The following ZC3H4 variants were observed in gnomAD, a reference collection of about 807,000 sequenced individuals.
The protein encoded by ZC3H4 is zinc finger CCCH domain-containing protein 4.
In ZC3H4, 13 loss-of-function variants were observed where a neutral mutation model predicts 108.3. That is an observed-to-expected ratio of 0.12 (90% CI 0.08 to 0.19). ZC3H4 has a LOEUF of 0.19. Among genes scored for constraint, ZC3H4 ranks in the 10% least tolerant of loss-of-function variants. The pLI, the probability that ZC3H4 is intolerant of heterozygous loss-of-function variation, is 1.00. For missense variants in ZC3H4, 1,734 were observed against 1,838.8 expected (o/e 0.94, Z 1.04); for synonymous variants, 917 against 749.6 (o/e 1.22, Z -3.65).
rs1374974908 is a variant in ZC3H4, at chr19:47,065,094, GGCTGT to G, written c.*1257_*1261del. 6.6e-6 allele frequency: 1 copy of G among 152,454 alleles called. No homozygotes were observed. Among genetic ancestry groups the G allele is most frequent in the African/African-American group, 2.4e-5 (1 of 41,440 alleles). The allele number at this position is 152,454 out of a possible 1,614,324, so 9.4% of individuals were successfully genotyped here. A position where few individuals can be genotyped will look rare whatever the true frequency, so the allele number is the denominator to read the frequency against. On this transcript the variant is annotated 3_prime_UTR_variant, in exon 15 of 15. Transcript: ENST00000253048. ...CAGCACCCCTTGCGCCCATCTCTCGGGCTGTGTCCATAGGTGGGCCTCCTCCAGGG... is the reference window on the plus strand; with the variant it reads ...CAGCACCCCTTGCGCCCATCTCTCGGGTCCATAGGTGGGCCTCCTCCAGGG...
chr19:47,068,761 A>G (rs1037736600), intron 14 of ZC3H4, among the ~76,000 whole-genome samples: 2 of 152,316 alleles, frequency 1.3e-5, no homozygotes, highest in African/African-American at 4.8e-5. Flanking sequence ...CACGGTAGGA[A>G]AACAGGGGCT....
In ZC3H4 at chr19:47,093,954, C is replaced by A; in HGVS notation, c.492+16G>T. 4 of 1,605,934 alleles carry A rather than the reference C, an allele frequency of 2.5e-6. No homozygotes were observed. The highest frequency in any genetic ancestry group is 3.4e-6 in the Non-Finnish European group (4 of 1,172,848). ...CTCCCGGCCCCAGAGCTCAGCAGTG[C>A]ATGCCAGTCACTCACCGGCGCATAT... On this transcript the variant is annotated intron_variant, in intron 4 of 14. Transcript: ENST00000253048.
At position 47,088,605 on chromosome 19, in the gene ZC3H4, C is replaced by A. The variant is rs1448135063; in HGVS notation, c.715+1362G>T. On this transcript the variant is annotated intron_variant, in intron 5 of 14. Coordinates refer to ENST00000253048, the MANE Select transcript of ZC3H4 (RefSeq NM_015168.2). ...GGCACAGGGTAGAGGCTGCAGTGAG[C>A]CTAAATCGTGCCACTGCACTCCAGG... Among the ~76,000 whole-genome samples, 3 of 151,470 alleles carry A rather than the reference C, an allele frequency of 2.0e-5. No individual in the cohort carries two copies. The East Asian group carries it at 5.9e-4, about 30-fold the overall frequency.
chr19:47,072,090 T>C lies in ZC3H4; in HGVS notation c.1834A>G (p.Met612Val), dbSNP rs765562520. The C allele has an allele frequency of 1.3e-6, 2 of 1,560,112 alleles. No homozygotes were observed. The highest frequency in any genetic ancestry group is 2.1e-5 in the Admixed American group (1 of 48,468). Residue 612 changes from methionine (M) to valine (V), a missense_variant, in exon 13 of 15, where the codon ATG (methionine) becomes GTG (valine). Physicochemically the swap from Met to Val is conservative, Grantham distance 21. This residue lies in a region of ZC3H4 where 540 missense variants were observed against 484.1 expected (regional missense o/e 1.12). Coordinates refer to ENST00000253048, the MANE Select transcript of ZC3H4 (RefSeq NM_015168.2). The surrounding 1 kb of genome is among the most constrained non-coding windows in gnomAD (Gnocchi z 5.6). ...GGTCCCATGTTGGGCCCAGGGCCCATTGGCCCTGGGGGTCCACCGGGTCCA... is the reference window on the plus strand; with the variant it reads ...GGTCCCATGTTGGGCCCAGGGCCCACTGGCCCTGGGGGTCCACCGGGTCCA... ...FPGPGGPPGP[M>V]GPGPNMGPPG...
chr19:47,098,411 T>C (rs2057856645), intron 2 of ZC3H4, among the ~76,000 whole-genome samples: 1 of 141,862 alleles, frequency 7.0e-6, no homozygotes, highest in African/African-American at 2.6e-5. Context: ...AACTTGAACC[T>C]GGGAGGCAGA....
intron 2 of ZC3H4, among the ~76,000 whole-genome samples, chr19:47,101,891 G>A (rs933535453): frequency 7.9e-5 from 12 of 151,748 alleles, no homozygotes; most frequent in East Asian, 3.9e-4. Context: ...AAAATTAGCC[G>A]GGCATGGTGG....
intron 4 of ZC3H4, chr19:47,093,668 T>TG (rs1475073471): frequency 4.0e-6 from 1 of 251,160 alleles, no homozygotes; most frequent in African/African-American, 2.2e-5. Context: ...CATAGCTCAC[T>TG]GCAACCTTAA....
intron 8 of ZC3H4, 110 bp downstream of exon 8, chr19:47,084,946 G>C (rs1218786797): frequency 8.2e-6 from 12 of 1,456,716 alleles, no homozygotes; most frequent in Middle Eastern, 1.8e-4. Flanking sequence ...AGCCCTTTGG[G>C]GGGTGGCTGA....
intron 2 of ZC3H4, chr19:47,112,082 C>T: frequency 2.0e-6 from 2 of 1,010,242 alleles, no homozygotes; most frequent in Middle Eastern, 4.8e-4. Context: ...TCCGCAGCAC[C>T]CCCCACGGCG....
intron 2 of ZC3H4, among the ~76,000 whole-genome samples, chr19:47,097,260 C>T (rs1419673927): frequency 6.6e-6 from 1 of 152,232 alleles, no homozygotes; most frequent in African/African-American, 2.4e-5. Flanking sequence ...GCAGTGACTA[C>T]TTGAAATTTT....
chr19:47,069,431 C>A lies in ZC3H4; in HGVS notation c.2147-88G>T. 3.4e-6 allele frequency: 5 copies of A among 1,488,922 alleles called. No homozygotes were observed. The South Asian group carries it at 6.4e-5, about 19-fold the overall frequency. 92.2% of individuals were successfully genotyped at this position (1,488,922 alleles called of 1,614,324 possible). ...CCCTGCCCCTCACTGCAAACCCACACCGATGGCGATGGAGAAGGACGCACA... is the reference window on the plus strand; with the variant it reads ...CCCTGCCCCTCACTGCAAACCCACAACGATGGCGATGGAGAAGGACGCACA... On this transcript the variant is annotated intron_variant, in intron 13 of 14. Coordinates refer to ENST00000253048, the MANE Select transcript of ZC3H4 (RefSeq NM_015168.2).
chr19:47,104,948 A>G (rs1481131521), intron 2 of ZC3H4, among the ~76,000 whole-genome samples: 1 of 151,380 alleles, frequency 6.6e-6, no homozygotes, highest in Non-Finnish European at 1.5e-5. Context: ...CGGGACCTCA[A>G]GAAGTCTCCA....
At position 47,066,315 on chromosome 19, in the gene ZC3H4, AC is replaced by A. The variant is rs1202441402; in HGVS notation, c.*40del. ...TACCCTGGGTGCTGCCCTGAATGCC[AC>A]CCTAGGAAGGGTGGCTGGAGCCGCA... On this transcript the variant is annotated 3_prime_UTR_variant, in exon 15 of 15. Transcript: ENST00000253048. 6.9e-7 allele frequency: 1 copy of A among 1,456,128 alleles called. No homozygotes were observed. Among genetic ancestry groups the A allele is most frequent in the South Asian group, 1.4e-5 (1 of 69,056 alleles). The allele number at this position is 1,456,128 out of a possible 1,614,324, so 90.2% of individuals were successfully genotyped here.
At position 47,085,429 on chromosome 19, in the gene ZC3H4, G is replaced by A. The variant is rs1260334100; in HGVS notation, c.871-15C>T. The A allele has an allele frequency of 1.3e-6, 2 of 1,545,648 alleles. No homozygotes were observed. Among genetic ancestry groups the A allele is most frequent in the Admixed American group, 2.1e-5 (1 of 48,222 alleles). On this transcript the variant is annotated splice_polypyrimidine_tract_variant and intron_variant, in intron 6 of 14. Coordinates refer to ENST00000253048, the MANE Select transcript of ZC3H4 (RefSeq NM_015168.2). ...CTCTCTCCATACTGGAATGCGCAGA[G>A]GAGAGGGCAGGAGAGCGTCAGGTAG...
rs761976177 is a variant in ZC3H4 at position 47,094,071 on chromosome 19, A to C, written c.391T>G (p.Ser131Ala). ...AAGTCAGAGAAGTCATCGCTAGAAG[A>C]AGCATGGCGCTGTAATGACAGGGGA... ...RRKSKHKRHA[S>A]SSDDFSDFSD... The change falls in exon 4 of 15, where the codon TCT becomes GCT. Residue 131 changes from serine to alanine, a missense_variant. Physicochemically the swap from Ser to Ala is moderately conservative, Grantham distance 99. Around this residue, in one of 9 missense-constraint regions of ZC3H4, gnomAD observed 403 missense variants for 457.0 expected, o/e 0.88. Transcript: ENST00000253048. The C allele has an allele frequency of 9.9e-6, 16 of 1,614,132 alleles. No homozygotes were observed. Among genetic ancestry groups the C allele is most frequent in the Non-Finnish European group, 1.2e-5 (14 of 1,179,988 alleles).
intron 4 of ZC3H4, 126 bp from the exon 5 acceptor site, chr19:47,090,315 A>G (rs2057709711): frequency 3.9e-6 from 4 of 1,031,928 alleles, no homozygotes; most frequent in Admixed American, 2.3e-5. Flanking sequence ...CCAGGGTTGC[A>G]CTGCTGGTCT....
intron 11 of ZC3H4, among the ~76,000 whole-genome samples, chr19:47,077,089 G>C (rs1354163475): frequency 6.6e-6 from 1 of 152,164 alleles, no homozygotes; most frequent in Non-Finnish European, 1.5e-5. Flanking sequence ...GAACCTGGGA[G>C]GCGGAGGTTG....
In ZC3H4 at chr19:47,085,068, G is replaced by C. The variant is rs2287842; in HGVS notation, c.1095C>G (p.Asp365Glu). The C allele has an allele frequency of 1.2e-6, 2 of 1,613,856 alleles. No individual in the cohort carries two copies. The highest frequency in any genetic ancestry group is 1.7e-6 in the Non-Finnish European group (2 of 1,179,946). The change falls in exon 8 of 15, where the codon GAC becomes GAG. Residue 365 changes from aspartate to glutamate, a missense_variant. Asp to Glu is a conservative substitution (Grantham distance 45). Transcript: ENST00000253048. ...GGMNDDEDFY[D>E]EDMGDGGGGS... Reference sequence around the variant, plus strand: ...GGAGTCAACTCACGCCCATGTCCTCGTCATAGAAGTCTTCGTCATCGTTCA... The same window carrying C: ...GGAGTCAACTCACGCCCATGTCCTCCTCATAGAAGTCTTCGTCATCGTTCA...
chr19:47,066,484 T>C lies in ZC3H4; in HGVS notation c.3784A>G (p.Thr1262Ala). Reference protein sequence around the residue: ...VPTLFGTVKQTPKTGSGSPFA... With the variant: ...VPTLFGTVKQAPKTGSGSPFA... ...GGGCTTCCTGAGCCCGTCTTGGGTG[T>C]CTGCTTCACCGTCCCGAAGAGGGTG... The change falls in exon 15 of 15, where the codon ACA (threonine) becomes GCA (alanine). Residue 1262 changes from threonine (T) to alanine (A), a missense_variant. Coordinates refer to ENST00000253048, the MANE Select transcript of ZC3H4 (RefSeq NM_015168.2). 2 of 1,582,906 alleles carry C rather than the reference T, an allele frequency of 1.3e-6. No individual in the cohort carries two copies. Among genetic ancestry groups the C allele is most frequent in the African/African-American group, 1.3e-5 (1 of 74,568 alleles).
Sources: allele counts gnomAD v4.1 joint callset (sites outside exome capture counted in the v4.1 genomes callset), GRCh38; gene constraint gnomAD v4.1.1; regional missense constraint gnomAD v4.1.1; non-coding constraint Gnocchi (gnomAD v3.1); transcripts MANE v1.5; gene names NCBI Gene and HGNC (gene_info 2026-07-23, HGNC 2026-07-21).